The following PCGF6 variants were observed in gnomAD, a reference collection of about 807,000 sequenced individuals.
PCGF6 encodes polycomb group ring finger 6.
In PCGF6, 24 loss-of-function variants were observed where a neutral mutation model predicts 45.5. That is an observed-to-expected ratio of 0.53 (90% CI 0.38 to 0.74). The LOEUF (loss-of-function observed/expected upper bound fraction) is 0.74, where lower values mean the gene tolerates loss of function less well. Among genes scored for constraint, PCGF6 ranks in the 30% least tolerant of loss-of-function variants. The pLI, the probability that PCGF6 is intolerant of heterozygous loss-of-function variation, is 0.00. For synonymous variants in PCGF6, 152 were observed against 162.1 expected, an observed-to-expected ratio of 0.94 and a Z score of 0.47; for missense variants, 356 against 443.2, an observed-to-expected ratio of 0.80 and a Z score of 1.77.
intron 9 of PCGF6, among the ~76,000 whole-genome samples, chr10:103,307,182 C>T (rs188408459): frequency 1.8e-3 from 274 of 151,964 alleles, no homozygotes; most frequent in Middle Eastern, 0.01. Flanking sequence ...ATGGCTCATG[C>T]CTGTAATCCC....
rs1235450812 is a variant in PCGF6 at position 103,303,833 on chromosome 10, T to C, written c.*72A>G. 1 of 1,316,716 alleles carries C rather than the reference T, an allele frequency of 7.6e-7. No homozygotes were observed. Among genetic ancestry groups the C allele is most frequent in the Non-Finnish European group, 1.1e-6 (1 of 925,478 alleles). 81.6% of individuals were successfully genotyped at this position (1,316,716 alleles called of 1,614,324 possible). ...GCAAAGTGGTAGCAATTACATTTCA[T>C]GGAAATCTTTGGTGAGATGCAGTCC... On this transcript the variant is annotated 3_prime_UTR_variant, in exon 10 of 10. Coordinates refer to ENST00000369847, the MANE Select transcript of PCGF6 (RefSeq NM_001011663.2).
At chr10:103,339,969 C>G (rs2093274031) in intron 6 of PCGF6, among the ~76,000 whole-genome samples, 1 of 130,744 alleles carries the variant, frequency 7.6e-6, no homozygotes, top group South Asian at 2.4e-4. Flanking sequence ...CGAGACCAGC[C>G]TGGTTAACAA....
chr10:103,348,499 G>A, intron 3 of PCGF6: 1 of 359,782 alleles, frequency 2.8e-6, no homozygotes, highest in Non-Finnish European at 5.0e-6. Context: ...GCCACTCCTG[G>A]CTAATAGTGG....
intron 7 of PCGF6, among the ~76,000 whole-genome samples, chr10:103,333,346 A>G (rs1451036212): frequency 6.6e-6 from 1 of 152,064 alleles, no homozygotes. Context: ...CTGAAAATCT[A>G]AACAGATCAA....
At chr10:103,334,444 C>G (rs1232218477) in intron 6 of PCGF6, among the ~76,000 whole-genome samples, 1 of 152,032 alleles carries the variant, frequency 6.6e-6, no homozygotes, top group African/African-American at 2.4e-5. Context: ...TCATGATGTA[C>G]AATAGATCTC....
At chr10:103,334,008 T>C (rs2093248633) in intron 6 of PCGF6, 56 bp from the exon 7 acceptor site, 1 of 1,174,528 alleles carries the variant, frequency 8.5e-7, no homozygotes, top group African/African-American at 1.6e-5. Flanking sequence ...ATATGTTTAA[T>C]CATAAAACAA....
chr10:103,332,203 T>A (rs985313456), intron 7 of PCGF6, among the ~76,000 whole-genome samples: 1 of 152,228 alleles, frequency 6.6e-6, no homozygotes, highest in Admixed American at 6.5e-5. Context: ...ATTGCTACCA[T>A]GTTTTTTCAT....
rs551084810 is a variant in PCGF6 at position 103,335,001 on chromosome 10, T to G, written c.783-1049A>C. On this transcript the variant is annotated intron_variant, in intron 6 of 9. Coordinates refer to ENST00000369847, the MANE Select transcript of PCGF6 (RefSeq NM_001011663.2). ...CAAAGCCAATGTTCTTTCTTCCTTA[T>G]GTTGTGAAGATTAGACAAGTTCACA... Among the ~76,000 whole-genome samples, 52 of 152,298 alleles carry G rather than the reference T, an allele frequency of 3.4e-4. 1 individual carries two copies. Among genetic ancestry groups the G allele is most frequent in the Middle Eastern group, 3.4e-3 (1 of 294 alleles).
chr10:103,328,384 G>A (rs930480781), intron 7 of PCGF6, among the ~76,000 whole-genome samples: 1 of 152,132 alleles, frequency 6.6e-6, no homozygotes, highest in African/African-American at 2.4e-5. Flanking sequence ...TTTTCTAGGT[G>A]TCTTGGGCTT....
intron 9 of PCGF6, among the ~76,000 whole-genome samples, chr10:103,307,350 T>C (rs1042905512): frequency 5.3e-5 from 8 of 151,812 alleles, no homozygotes; most frequent in African/African-American, 1.7e-4. Flanking sequence ...GGCAGGAGGA[T>C]TGCTTGAGCC....
At chr10:103,332,896 C>G (rs1211165806) in intron 7 of PCGF6, among the ~76,000 whole-genome samples, 2 of 152,046 alleles carry the variant, frequency 1.3e-5, no homozygotes, top group Non-Finnish European at 2.9e-5. Flanking sequence ...GGGTGGGTCA[C>G]CGGAGGTCAG....
At chr10:103,342,438 T>C (rs1592075792) in intron 6 of PCGF6, among the ~76,000 whole-genome samples, 2 of 152,188 alleles carry the variant, frequency 1.3e-5, no homozygotes, top group East Asian at 3.9e-4. Context: ...TTCATCATGT[T>C]GGTCAGGGTG....
In PCGF6 at chr10:103,349,140, TG is replaced by T. The variant is rs1349832225; in HGVS notation, c.361-142del. On this transcript the variant is annotated intron_variant, in intron 1 of 9. Coordinates refer to ENST00000369847, the MANE Select transcript of PCGF6 (RefSeq NM_001011663.2). Reference sequence around the variant, plus strand: ...TCGGTTCACTGCAACCTCCGCCTCCTGGATTAAAGCGATTCTCCTGTCTCAG... The same window carrying T: ...TCGGTTCACTGCAACCTCCGCCTCCTGATTAAAGCGATTCTCCTGTCTCAG... 5 of 674,846 alleles carry T rather than the reference TG, an allele frequency of 7.4e-6. No homozygotes were observed. In the African/African-American group the frequency reaches 9.2e-5, roughly 12 times the overall value. The allele number at this position is 674,846 out of a possible 1,614,324, so 41.8% of individuals were successfully genotyped here.
Position 103,351,082 on chromosome 10 carries a change from C to CAGGCG in PCGF6, c.-21_-17dup, listed in dbSNP as rs775800450. 116 of 1,357,864 alleles carry CAGGCG rather than the reference C, an allele frequency of 8.5e-5. No individual in the cohort carries two copies. The highest frequency in any genetic ancestry group is 1.0e-4 in the South Asian group (5 of 48,690). 84.1% of individuals were successfully genotyped at this position (1,357,864 alleles called of 1,614,324 possible). On this transcript the variant is annotated 5_prime_UTR_variant, in exon 1 of 10. Transcript: ENST00000369847. Reference sequence around the variant, plus strand: ...CCCCCTCCATGGTCGGGAGAGACACCAGGCGAGGCGAGGCGGCGGGAGAGC... The same window carrying CAGGCG: ...CCCCCTCCATGGTCGGGAGAGACACCAGGCGAGGCGAGGCGAGGCGGCGGGAGAGC...
At chr10:103,345,183 T>C in intron 5 of PCGF6, 51 bp from the exon 6 acceptor site, 1 of 1,288,922 alleles carries the variant, frequency 7.8e-7, no homozygotes, top group Non-Finnish European at 1.1e-6. Context: ...ATGCCATAAA[T>C]TGAGATCTTT....
At chr10:103,349,671 G>A (rs2133604276) in intron 1 of PCGF6, among the ~76,000 whole-genome samples, 1 of 150,304 alleles carries the variant, frequency 6.7e-6, no homozygotes, top group Middle Eastern at 3.5e-3. Flanking sequence ...AGTAGAGAAG[G>A]GGTTTCACCG....
At chr10:103,339,390 A>G (rs1362177622) in intron 6 of PCGF6, among the ~76,000 whole-genome samples, 1 of 151,460 alleles carries the variant, frequency 6.6e-6, no homozygotes, top group Non-Finnish European at 1.5e-5. Flanking sequence ...ACCCTGTCTC[A>G]AGGAGGAAAA....
intron 7 of PCGF6, among the ~76,000 whole-genome samples, chr10:103,327,413 T>C (rs1359746619): frequency 6.6e-6 from 1 of 152,210 alleles, no homozygotes; most frequent in Non-Finnish European, 1.5e-5. Flanking sequence ...TTACAATGTA[T>C]GGACCTTACT....
chr10:103,325,619 T>C (rs1468329897), intron 8 of PCGF6, among the ~76,000 whole-genome samples: 1 of 152,106 alleles, frequency 6.6e-6, no homozygotes, highest in Non-Finnish European at 1.5e-5. Context: ...TGATAAGCAA[T>C]ATTTTTCTCT....
Sources: allele counts gnomAD v4.1 joint callset (sites outside exome capture counted in the v4.1 genomes callset), GRCh38; gene constraint gnomAD v4.1.1; transcripts MANE v1.5; gene names NCBI Gene and HGNC (gene_info 2026-07-23, HGNC 2026-07-21).